Variants in MARK1 observed in about 807,000 individuals in gnomAD.
The protein encoded by MARK1 is serine/threonine-protein kinase MARK1.
In MARK1, 40 loss-of-function variants were observed where a neutral mutation model predicts 96.3. The ratio of observed to expected loss-of-function variants is 0.42; its 90% CI spans 0.32 to 0.54. MARK1 has a LOEUF of 0.54. MARK1 is among the 20% of genes least tolerant of loss of function. The pLI, the probability that MARK1 is intolerant of heterozygous loss-of-function variation, is 0.16. For missense variants in MARK1, 719 were observed against 984.6 expected (o/e 0.73, Z 3.61); for synonymous variants, 317 against 341.2 (o/e 0.93, Z 0.78).
Position 220,664,402 on chromosome 1 carries a change from T to C in MARK1, c.*2236T>C, listed in dbSNP as rs1439869709. The C allele has an allele frequency of 6.6e-6, 1 of 152,156 alleles. No individual in the cohort carries two copies. Among genetic ancestry groups the C allele is most frequent in the African/African-American group, 2.4e-5 (1 of 41,384 alleles). The allele number at this position is 152,156 out of a possible 1,614,324, so 9.4% of individuals were successfully genotyped here. ...TATGTGATACCAGGATTTCCTTGGC[T>C]TCTGTTGAAATATTATTTGATATGA... On this transcript the variant is annotated 3_prime_UTR_variant, in exon 18 of 18. Coordinates refer to ENST00000366917, the MANE Select transcript of MARK1 (RefSeq NM_018650.5).
chr1:220,623,570 G>GAAT (rs909887850), intron 9 of MARK1, among the ~76,000 whole-genome samples: 42 of 152,008 alleles, frequency 2.8e-4, no homozygotes, highest in Admixed American at 5.2e-4. Flanking sequence ...CCAGTGGCTA[G>GAAT]AATAATAATA....
At chr1:220,563,409 G>C (rs951587130) in intron 1 of MARK1, among the ~76,000 whole-genome samples, 1 of 152,138 alleles carries the variant, frequency 6.6e-6, no homozygotes, top group Admixed American at 6.5e-5. Flanking sequence ...CAGCGTTACT[G>C]AGTTCCTACT....
chr1:220,651,258 A>G (rs1013827538), intron 14 of MARK1, among the ~76,000 whole-genome samples: 4 of 152,200 alleles, frequency 2.6e-5, no homozygotes, highest in Admixed American at 2.6e-4. Flanking sequence ...ACTACTCATC[A>G]ATATAGTACA....
intron 9 of MARK1, chr1:220,625,738 A>G (rs533406902): frequency 5.9e-5 from 26 of 437,224 alleles, no homozygotes; most frequent in South Asian, 1.7e-4. Flanking sequence ...AAGGCAAGCA[A>G]GATGACGCAG....
At chr1:220,624,953 C>A (rs1316250944) in intron 9 of MARK1, among the ~76,000 whole-genome samples, 1 of 152,212 alleles carries the variant, frequency 6.6e-6, no homozygotes, top group Non-Finnish European at 1.5e-5. Flanking sequence ...ATAGATTATA[C>A]TTCTGGTTTC....
rs1669520797 is a variant in MARK1 at position 220,662,283 on chromosome 1, C to CT, written c.*119dup. On this transcript the variant is annotated 3_prime_UTR_variant, in exon 18 of 18. Transcript: ENST00000366917. ...TGAATCTCCCCATGTAGAATTTGCC[C>CT]TTAATGCAATAAGGTTATACATAGT... 1 of 720,276 alleles carries CT rather than the reference C, an allele frequency of 1.4e-6. No individual in the cohort carries two copies. The highest frequency in any genetic ancestry group is 1.8e-5 in the African/African-American group (1 of 56,102). The allele number at this position is 720,276 out of a possible 1,614,324, so 44.6% of individuals were successfully genotyped here.
intron 13 of MARK1, among the ~76,000 whole-genome samples, chr1:220,638,003 A>T (rs1382924524): frequency 6.6e-6 from 1 of 152,170 alleles, no homozygotes; most frequent in Non-Finnish European, 1.5e-5. Flanking sequence ...TGATTAGATT[A>T]TCACCTTTTA....
intron 6 of MARK1, among the ~76,000 whole-genome samples, chr1:220,607,693 T>A (rs561868889): frequency 1.2e-4 from 19 of 152,100 alleles, no homozygotes; most frequent in Non-Finnish European, 1.2e-4. Flanking sequence ...TGGCTGTGGG[T>A]TTGTCATAAA....
rs971817110 is a variant in MARK1, at chr1:220,654,355, G to T, written c.1988+1003G>T. Among the ~76,000 whole-genome samples, 1 of 152,210 alleles carries T rather than the reference G, an allele frequency of 6.6e-6. No individual in the cohort carries two copies. Among genetic ancestry groups the T allele is most frequent in the Non-Finnish European group, 1.5e-5 (1 of 68,028 alleles). ...TTTCCAATGTTATTAGTGTTTCTAG[G>T]ATTTCAAAGAGTGGATGTGGAAAAG... On this transcript the variant is annotated intron_variant, in intron 16 of 17. Transcript: ENST00000366917. This position sits in a 1 kb window ranked among gnomAD's most constrained non-coding sequence, Gnocchi z 4.0.
intron 9 of MARK1, chr1:220,625,986 A>G (rs1047025027): frequency 1.2e-4 from 64 of 549,680 alleles, no homozygotes; most frequent in African/African-American, 1.1e-3. Context: ...CTTCAGATAC[A>G]TGTTCGAGCA....
intron 3 of MARK1, among the ~76,000 whole-genome samples, chr1:220,591,180 C>A (rs983314455): frequency 7.9e-5 from 12 of 152,054 alleles, no homozygotes; most frequent in African/African-American, 2.9e-4. Context: ...TAATTGCAGT[C>A]AAAAACCCAA....
chr1:220,528,820 A>G lies in MARK1; in HGVS notation c.-3A>G, dbSNP rs1660098944. The G allele has an allele frequency of 3.9e-6, 6 of 1,557,166 alleles. No individual in the cohort carries two copies. The highest frequency in any genetic ancestry group is 5.2e-6 in the Non-Finnish European group (6 of 1,150,420). Reference sequence around the variant, plus strand: ...CCCGGCCAGACCCCGCTGCCCGCACAAAATGTCGGCCCGGACGCCATTGCC... The same window carrying G: ...CCCGGCCAGACCCCGCTGCCCGCACGAAATGTCGGCCCGGACGCCATTGCC... On this transcript the variant is annotated 5_prime_UTR_variant, in exon 1 of 18. Transcript: ENST00000366917.
At chr1:220,657,873 G>C in intron 17 of MARK1, 39 bp downstream of exon 17, 3 of 1,444,590 alleles carry the variant, frequency 2.1e-6, no homozygotes. Context: ...CTAGGTCCCT[G>C]TGTATGAAAA....
At chr1:220,646,940 C>T (rs565646490) in intron 13 of MARK1, among the ~76,000 whole-genome samples, 4 of 152,164 alleles carry the variant, frequency 2.6e-5, no homozygotes, top group Non-Finnish European at 5.9e-5. Flanking sequence ...AAATCCAAAA[C>T]TATAAAATCC....
chr1:220,618,518 C>G lies in MARK1; in HGVS notation c.761C>G (p.Ser254Cys). 6.2e-7 allele frequency: 1 copy of G among 1,614,096 alleles called. No individual in the cohort carries two copies. The highest frequency in any genetic ancestry group is 8.5e-7 in the Non-Finnish European group (1 of 1,179,984). Residue 254 changes from serine to cysteine, a missense_variant, in exon 8 of 18, where the codon TCC becomes TGC. Around this residue, in one of 4 missense-constraint regions of MARK1, gnomAD observed 96 missense variants for 213.1 expected, o/e 0.45. Transcript: ENST00000366917. This position sits in a 1 kb window ranked among gnomAD's most constrained non-coding sequence, Gnocchi z 4.6. ...ATTCTCTATACATTAGTCAGTGGCT[C>G]CTTGCCTTTCGATGGCCAGAATTTA... Reference protein sequence around the residue: ...GVILYTLVSGSLPFDGQNLKE... With the variant: ...GVILYTLVSGCLPFDGQNLKE...
intron 1 of MARK1, among the ~76,000 whole-genome samples, chr1:220,539,665 T>C (rs1318781873): frequency 1.3e-5 from 2 of 152,206 alleles, no homozygotes; most frequent in South Asian, 4.1e-4. Context: ...GAATGTGGTA[T>C]ATATCACATT....
rs73107372 is a variant in MARK1 at position 220,545,194 on chromosome 1, C to G, written c.51+16321C>G. 3.6e-3 allele frequency among the ~76,000 whole-genome samples: 553 copies of G among 152,210 alleles called. 5 individuals are homozygous for G. Among genetic ancestry groups the G allele is most frequent in the African/African-American group, 0.013 (522 of 41,520 alleles). ...GTGGAAGGTGCATTTGCACAAAGTC[C>G]CTGAGTGTGAAGTGGAGAAGAGGAG... is the stretch of plus-strand genomic sequence containing the variant. On this transcript the variant is annotated intron_variant, in intron 1 of 17. Coordinates refer to ENST00000366917, the MANE Select transcript of MARK1 (RefSeq NM_018650.5).
chr1:220,533,937 C>A (rs1255062017), intron 1 of MARK1, among the ~76,000 whole-genome samples: 1 of 152,042 alleles, frequency 6.6e-6, no homozygotes, highest in African/African-American at 2.4e-5. Flanking sequence ...TGTAGTATAA[C>A]CTATACTATA....
intron 17 of MARK1, among the ~76,000 whole-genome samples, chr1:220,658,544 C>T (rs117312504): frequency 1.2e-4 from 19 of 152,218 alleles, no homozygotes; most frequent in African/African-American, 3.6e-4. Context: ...ATTTTACAAA[C>T]GGGAAATTTA....
Sources: gnomAD v4.1 joint callset for allele counts (sites outside exome capture counted in the v4.1 genomes callset) on GRCh38, gnomAD v4.1.1 for gene constraint, gnomAD v4.1.1 regional missense constraint, Gnocchi (gnomAD v3.1) non-coding constraint, MANE v1.5 for transcripts, NCBI Gene and HGNC (gene_info 2026-07-23, HGNC 2026-07-21) for gene names.